The following DGKI variants were observed in gnomAD, a reference collection of about 807,000 sequenced individuals.
DGKI encodes the protein DAG kinase iota.
Under a neutral mutation model 147.5 loss-of-function variants are expected in DGKI, and 55 were observed. The observed-to-expected ratio is 0.37, with a 90% confidence interval of 0.30 to 0.47. The LOEUF (loss-of-function observed/expected upper bound fraction) is 0.47, where lower values mean the gene tolerates loss of function less well. Ranked by LOEUF, DGKI falls within the 20% of genes least tolerant of loss-of-function variation. The pLI is 1.00. For synonymous variants in DGKI, 469 were observed against 477.1 expected, an observed-to-expected ratio of 0.98 and a Z score of 0.22; for missense variants, 1,007 against 1,323.8, an observed-to-expected ratio of 0.76 and a Z score of 3.71.
At position 137,846,638 on chromosome 7, in the gene DGKI, G is replaced by A. The variant is rs562183222; in HGVS notation, c.225C>T (p.Gly75=). 2.7e-4 allele frequency: 290 copies of A among 1,066,724 alleles called. 1 individual carries two copies. In the African/African-American group the frequency reaches 4.6e-3, roughly 17 times the overall value. The allele number at this position is 1,066,724 out of a possible 1,614,324, so 66.1% of individuals were successfully genotyped here. The part of the protein sequence containing the change: ...ATGGSSSSGS[G]AGSCCLGAEG... ...CGGCGCCCAGGCAGCAGCTCCCGGC[G>A]CCGCTTCCGCTGCTGCTGCTGCCGC... Residue 75 remains glycine (G), a synonymous_variant, in exon 1 of 33, where the codon GGC becomes GGT. Transcript: ENST00000614521. This position sits in a 1 kb window ranked among gnomAD's most constrained non-coding sequence, Gnocchi z 4.0.
At chr7:137,589,133 C>T (rs992796242) in intron 12 of DGKI, among the ~76,000 whole-genome samples, 8 of 152,164 alleles carry the variant, frequency 5.3e-5, no homozygotes, top group African/African-American at 1.9e-4. Context: ...TTAAACATTG[C>T]TTAATCAAAT....
chr7:137,618,408 A>G (rs982532693), intron 8 of DGKI, among the ~76,000 whole-genome samples: 1 of 150,940 alleles, frequency 6.6e-6, no homozygotes, highest in Non-Finnish European at 1.5e-5. Context: ...TCTCTACTCC[A>G]CAGACCTAAA....
At chr7:137,496,536 A>G (rs879265754) in intron 21 of DGKI, among the ~76,000 whole-genome samples, 7 of 152,074 alleles carry the variant, frequency 4.6e-5, no homozygotes, top group Non-Finnish European at 1.0e-4. Flanking sequence ...TGGAGGCATC[A>G]CAATACTCAA....
chr7:137,597,782 T>C, intron 12 of DGKI, 65 bp downstream of exon 12: 3 of 1,467,600 alleles, frequency 2.0e-6, no homozygotes, highest in Non-Finnish European at 2.9e-6. Flanking sequence ...TAAAAAGAAG[T>C]GCCACAAGAA....
chr7:137,413,649 G>A (rs1585090129), intron 28 of DGKI, among the ~76,000 whole-genome samples: 1 of 152,132 alleles, frequency 6.6e-6, no homozygotes, highest in Admixed American at 6.5e-5. Flanking sequence ...ATTCCATGGT[G>A]TATATATACC....
intron 27 of DGKI, among the ~76,000 whole-genome samples, chr7:137,462,883 C>T (rs988831983): frequency 6.6e-6 from 1 of 152,164 alleles, no homozygotes; most frequent in Non-Finnish European, 1.5e-5. Context: ...TGCTGTGAAA[C>T]TTCAGCATGC....
At position 137,470,529 on chromosome 7, in the gene DGKI, G is replaced by C. The variant is rs369733976; in HGVS notation, c.2374-910C>G. 2.6e-5 allele frequency among the ~76,000 whole-genome samples: 4 copies of C among 151,944 alleles called. No individual in the cohort carries two copies. In the East Asian group the frequency reaches 7.7e-4, roughly 29 times the overall value. ...CTTCCAAAATAAATTACCCTCAGCT[G>C]ATCTTGTTACATCTATTTTTTTAAT... On this transcript the variant is annotated intron_variant, in intron 23 of 32. Coordinates refer to ENST00000614521, the MANE Select transcript of DGKI (RefSeq NM_001321708.2).
rs567044257 is a variant in DGKI at position 137,603,406 on chromosome 7, G to T, written c.1168-3501C>A. Among the ~76,000 whole-genome samples, 28 of 152,210 alleles carry T rather than the reference G, an allele frequency of 1.8e-4. 1 individual carries two copies. In the South Asian group the frequency reaches 3.7e-3, roughly 20 times the overall value. On this transcript the variant is annotated intron_variant, in intron 10 of 32. Coordinates refer to ENST00000614521, the MANE Select transcript of DGKI (RefSeq NM_001321708.2). ...AACAACTGCCCAGACAATAAGAAAG[G>T]CCTGAGAAAAATACATTAATGAGAG... is the stretch of plus-strand genomic sequence containing the variant.
Position 137,391,125 on chromosome 7 carries a change from A to T in DGKI, c.*95T>A. 2 of 942,392 alleles carry T rather than the reference A, an allele frequency of 2.1e-6. No individual in the cohort carries two copies. Among genetic ancestry groups the T allele is most frequent in the East Asian group, 4.8e-5 (2 of 41,866 alleles). 58.4% of individuals were successfully genotyped at this position (942,392 alleles called of 1,614,324 possible). A position where few individuals can be genotyped will look rare whatever the true frequency, so the allele number is the denominator to read the frequency against. On this transcript the variant is annotated 3_prime_UTR_variant, in exon 33 of 33. Coordinates refer to ENST00000614521, the MANE Select transcript of DGKI (RefSeq NM_001321708.2). Reference sequence around the variant, plus strand: ...ATTCTTGCAGGAGAGAGACAGATATATGAATTCCATCAGCTTCTTCCAGGG... The same window carrying T: ...ATTCTTGCAGGAGAGAGACAGATATTTGAATTCCATCAGCTTCTTCCAGGG...
At chr7:137,584,921 C>A (rs2128982774) in intron 14 of DGKI, among the ~76,000 whole-genome samples, 1 of 152,254 alleles carries the variant, frequency 6.6e-6, no homozygotes. Flanking sequence ...TTGCTATTAA[C>A]ATGAATGATT....
intron 12 of DGKI, among the ~76,000 whole-genome samples, chr7:137,591,816 A>G (rs1384864847): frequency 2.0e-5 from 3 of 152,156 alleles, no homozygotes; most frequent in African/African-American, 7.2e-5. Flanking sequence ...TCCTCAATAA[A>G]GGCCCAGTTT....
intron 28 of DGKI, among the ~76,000 whole-genome samples, chr7:137,414,126 T>C (rs1812266841): frequency 6.6e-6 from 1 of 152,214 alleles, no homozygotes; most frequent in South Asian, 2.1e-4. Flanking sequence ...CAGCTGTCAC[T>C]GAGCAAAACC....
At chr7:137,750,288 C>T (rs1417437632) in intron 1 of DGKI, among the ~76,000 whole-genome samples, 1 of 152,122 alleles carries the variant, frequency 6.6e-6, no homozygotes, top group East Asian at 1.9e-4. Flanking sequence ...TGCAGGTCTT[C>T]CTACTCCTGG....
chr7:137,649,827 C>A (rs1159605794), intron 5 of DGKI, among the ~76,000 whole-genome samples: 3 of 149,718 alleles, frequency 2.0e-5, no homozygotes, highest in Admixed American at 2.0e-4. Context: ...GAAATCATAA[C>A]CCAGTCCGTT....
intron 23 of DGKI, among the ~76,000 whole-genome samples, chr7:137,471,935 T>G (rs1487119949): frequency 7.1e-6 from 1 of 140,232 alleles, no homozygotes; most frequent in African/African-American, 2.7e-5. Context: ...TATGTATATA[T>G]AATATATACA....
At chr7:137,479,977 T>A (rs749128716) in intron 23 of DGKI, among the ~76,000 whole-genome samples, 1 of 152,154 alleles carries the variant, frequency 6.6e-6, no homozygotes, top group Admixed American at 6.6e-5. Flanking sequence ...TTACCACTCA[T>A]GACTCCTACA....
At chr7:137,706,538 T>C (rs1347601058) in intron 1 of DGKI, among the ~76,000 whole-genome samples, 2 of 150,056 alleles carry the variant, frequency 1.3e-5, no homozygotes, top group Non-Finnish European at 3.0e-5. Context: ...TCATTTTATT[T>C]CATTTTATTT....
In DGKI at chr7:137,463,537, T is replaced by C. The variant is rs755517226; in HGVS notation, c.2687A>G (p.Tyr896Cys). ...SDSGLGMIAPYYEDSDLKDLS... is the reference protein window; with the variant it reads ...SDSGLGMIAPCYEDSDLKDLS... Reference sequence around the variant, plus strand: ...ATCTTTCAGATCTGAGTCCTCATAATAGGGAGCTATCATCCCCAGCCCACT... The same window carrying C: ...ATCTTTCAGATCTGAGTCCTCATAACAGGGAGCTATCATCCCCAGCCCACT... Residue 896 changes from tyrosine (Y) to cysteine (C), a missense_variant, in exon 27 of 33, where the codon TAT (tyrosine) becomes TGT (cysteine). By Grantham distance (194) the Tyr-to-Cys change is radical. Transcript: ENST00000614521. The C allele has an allele frequency of 1.2e-6, 2 of 1,614,058 alleles. No homozygotes were observed. Among genetic ancestry groups the C allele is most frequent in the Admixed American group, 1.7e-5 (1 of 60,006 alleles).
At chr7:137,517,272 G>GA (rs780061526) in intron 21 of DGKI, among the ~76,000 whole-genome samples, 14 of 76,206 alleles carry the variant, frequency 1.8e-4, no homozygotes, top group Non-Finnish European at 2.5e-4. Flanking sequence ...AAGAAAGAAA[G>GA]AAAAGAAAAA....
Sources: gnomAD v4.1 joint callset for allele counts (sites outside exome capture counted in the v4.1 genomes callset) on GRCh38, gnomAD v4.1.1 for gene constraint, Gnocchi (gnomAD v3.1) non-coding constraint, MANE v1.5 for transcripts, NCBI Gene and HGNC (gene_info 2026-07-23, HGNC 2026-07-21) for gene names.